F10: variants seen among roughly 807,000 people sequenced by gnomAD.
F10 encodes Stuart-Prower factor.
F10 carries 29 observed loss-of-function variants against 37.1 expected under a neutral mutation model. That is an observed-to-expected ratio of 0.78 (90% CI 0.58 to 1.07). F10 has a LOEUF of 1.07. Among genes scored for constraint, F10 ranks in the 50% least tolerant of loss-of-function variants. F10 has a pLI of 0.00. For missense variants in F10, 539 were observed against 667.9 expected (o/e 0.81, Z 2.13); for synonymous variants, 262 against 268.6 (o/e 0.98, Z 0.24).
chr13:113,135,235 C>G (rs550261104), intron 2 of F10, among the ~76,000 whole-genome samples: 1 of 150,326 alleles, frequency 6.7e-6, no homozygotes, highest in African/African-American at 2.5e-5. Flanking sequence ...AAGAGCGAAA[C>G]TCTGTCTCCA....
At position 113,143,850 on chromosome 13, in the gene F10, G is replaced by T; in HGVS notation, c.503-1G>T. ...GGCCCCGGCCGTCCTCTTTCTTTCA[G>T]GGCCCTACCCCTGTGGGAAACAGAC... On this transcript the variant is annotated splice_acceptor_variant, in intron 5 of 7. Coordinates refer to ENST00000375559, the MANE Select transcript of F10 (RefSeq NM_000504.4). LOFTEE classifies it high-confidence loss of function. This position sits in a 1 kb window ranked among gnomAD's most constrained non-coding sequence, Gnocchi z 6.8. 1 of 1,612,154 alleles carries T rather than the reference G, an allele frequency of 6.2e-7. No individual in the cohort carries two copies.
intron 7 of F10, among the ~76,000 whole-genome samples, chr13:113,148,345 A>AAAATATAT (rs1300922846): frequency 1.0e-5 from 1 of 95,434 alleles, no homozygotes; most frequent in African/African-American, 4.0e-5. Context: ...AAAAAAAAAA[A>AAAATATAT]ATATATATAT....
intron 4 of F10, chr13:113,140,658 G>C: frequency 1.5e-6 from 1 of 664,654 alleles, no homozygotes; most frequent in Non-Finnish European, 2.8e-6. Flanking sequence ...CTGGGGCAGG[G>C]GGTACCGGCC....
chr13:113,141,059 C>A lies in F10; in HGVS notation c.502+9C>A. The A allele has an allele frequency of 6.2e-7, 1 of 1,613,032 alleles. No homozygotes were observed. Among genetic ancestry groups the A allele is most frequent in the Non-Finnish European group, 8.5e-7 (1 of 1,179,926 alleles). On this transcript the variant is annotated intron_variant, in intron 5 of 7. Transcript: ENST00000375559. This position sits in a 1 kb window ranked among gnomAD's most constrained non-coding sequence, Gnocchi z 5.4. ...GGCCTGCATTCCCACAGGTAGGAGG[C>A]ACGTTGGGCCACAGCCACCCGCTGC...
Position 113,122,835 on chromosome 13 carries a change from G to A in F10, c.-21G>A, listed in dbSNP as rs778053228. 3 of 1,608,598 alleles carry A rather than the reference G, an allele frequency of 1.9e-6. No homozygotes were observed. The South Asian group carries it at 3.3e-5, about 18-fold the overall frequency. Reference sequence around the variant, plus strand: ...AGCAGCCTGTCCCAGTGAGGACAGGGACACAGTACTCGGCCACACCATGGG... The same window carrying A: ...AGCAGCCTGTCCCAGTGAGGACAGGAACACAGTACTCGGCCACACCATGGG... On this transcript the variant is annotated 5_prime_UTR_variant, in exon 1 of 8. Transcript: ENST00000375559.
chr13:113,149,097 CG>C lies in F10; in HGVS notation c.1048del (p.Glu350SerfsTer4). The stretch of plus-strand genomic sequence containing the variant: ...CCTGCCTCCCCGAGCGTGACTGGGC[CG>C]AGTCCACGCTGATGACGCAGAAGAC... ...PACLPERDWA[E>X]STLMTQKTGI... On this transcript the variant is annotated frameshift_variant, in exon 8 of 8. Coordinates refer to ENST00000375559, the MANE Select transcript of F10 (RefSeq NM_000504.4). LOFTEE classifies it low-confidence loss of function (END_TRUNC). The surrounding 1 kb of genome is among the most constrained non-coding windows in gnomAD (Gnocchi z 7.5). 2 of 1,613,154 alleles carry C rather than the reference CG, an allele frequency of 1.2e-6. No homozygotes were observed. Among genetic ancestry groups the C allele is most frequent in the Non-Finnish European group, 1.7e-6 (2 of 1,179,992 alleles).
At chr13:113,142,800 C>T (rs549624732) in intron 5 of F10, among the ~76,000 whole-genome samples, 36 of 149,554 alleles carry the variant, frequency 2.4e-4, no homozygotes, top group African/African-American at 5.9e-4. Context: ...GGCGTGGTGG[C>T]GCACGCCTGT....
In F10 at chr13:113,143,701, G is replaced by C; in HGVS notation, c.503-150G>C. 6.0e-6 allele frequency: 7 copies of C among 1,157,456 alleles called. No individual in the cohort carries two copies. The highest frequency in any genetic ancestry group is 8.3e-6 in the Non-Finnish European group (7 of 840,932). The allele number at this position is 1,157,456 out of a possible 1,614,324, so 71.7% of individuals were successfully genotyped here. On this transcript the variant is annotated intron_variant, in intron 5 of 7. Transcript: ENST00000375559. This position sits in a 1 kb window ranked among gnomAD's most constrained non-coding sequence, Gnocchi z 6.8. ...TGCAGATCCGACCCCTGCCGACGACGTGGGGCCTCGCCCTGCAAGCCCGCT... is the reference window on the plus strand; with the variant it reads ...TGCAGATCCGACCCCTGCCGACGACCTGGGGCCTCGCCCTGCAAGCCCGCT...
In F10 at chr13:113,149,113, A is replaced by G. The variant is rs779407646; in HGVS notation, c.1063A>G (p.Thr355Ala). The G allele has an allele frequency of 6.2e-7, 1 of 1,613,020 alleles. No homozygotes were observed. The highest frequency in any genetic ancestry group is 8.5e-7 in the Non-Finnish European group (1 of 1,179,956). The change falls in exon 8 of 8, where the codon ACG becomes GCG. Residue 355 changes from threonine to alanine, a missense_variant. Around this residue, in one of 2 missense-constraint regions of F10, gnomAD observed 409 missense variants for 547.9 expected, o/e 0.75. Transcript: ENST00000375559. This position sits in a 1 kb window ranked among gnomAD's most constrained non-coding sequence, Gnocchi z 7.5. ...TGACTGGGCCGAGTCCACGCTGATG[A>G]CGCAGAAGACGGGGATTGTGAGCGG... is the stretch of plus-strand genomic sequence containing the variant. ...ERDWAESTLMTQKTGIVSGFG... is the reference protein window; with the variant it reads ...ERDWAESTLMAQKTGIVSGFG...
Position 113,139,293 on chromosome 13 carries a change from A to G in F10, c.257-64A>G, listed in dbSNP as rs545145114. 24 of 1,410,588 alleles carry G rather than the reference A, an allele frequency of 1.7e-5. 1 individual carries two copies. The Admixed American group carries it at 3.8e-4, about 22-fold the overall frequency. 87.4% of individuals were successfully genotyped at this position (1,410,588 alleles called of 1,614,324 possible). A position where few individuals can be genotyped will look rare whatever the true frequency, so the allele number is the denominator to read the frequency against. On this transcript the variant is annotated intron_variant, in intron 3 of 7. Coordinates refer to ENST00000375559, the MANE Select transcript of F10 (RefSeq NM_000504.4). This position sits in a 1 kb window ranked among gnomAD's most constrained non-coding sequence, Gnocchi z 5.2. Reference sequence around the variant, plus strand: ...ACGGCAGGGCCAAGGTTAGCACAGCAAAACTGTTTCCATGATGCCGGAAAC... The same window carrying G: ...ACGGCAGGGCCAAGGTTAGCACAGCGAAACTGTTTCCATGATGCCGGAAAC...
intron 2 of F10, among the ~76,000 whole-genome samples, chr13:113,135,216 C>A (rs2036467538): frequency 6.6e-6 from 1 of 150,952 alleles, no homozygotes; most frequent in Admixed American, 6.6e-5. Context: ...GCACTCCAGC[C>A]TGGGCAACAA....
intron 1 of F10, chr13:113,128,206 C>T (rs983500730): frequency 1.3e-5 from 2 of 152,232 alleles, no homozygotes; most frequent in African/African-American, 4.8e-5. Context: ...ACCCATGACA[C>T]AGCCTTGGAA....
intron 1 of F10, among the ~76,000 whole-genome samples, chr13:113,127,831 G>C (rs2036384905): frequency 6.6e-6 from 1 of 152,168 alleles, no homozygotes; most frequent in African/African-American, 2.4e-5. Flanking sequence ...AAAGAGCAGA[G>C]ACCTTAAAGA....
rs1208633082 is a variant in F10 at position 113,149,467 on chromosome 13, A to G, written c.1417A>G (p.Lys473Glu). Reference sequence around the variant, plus strand: ...GTCCATGAAAACCAGGGGCTTGCCCAAGGCCAAGAGCCATGCCCCGGAGGT... The same window carrying G: ...GTCCATGAAAACCAGGGGCTTGCCCGAGGCCAAGAGCCATGCCCCGGAGGT... ...DRSMKTRGLPKAKSHAPEVIT... is the reference protein window; with the variant it reads ...DRSMKTRGLPEAKSHAPEVIT... Residue 473 changes from lysine (K) to glutamate (E), a missense_variant, in exon 8 of 8, where the codon AAG (lysine) becomes GAG (glutamate). Lys to Glu is a moderately conservative substitution (Grantham distance 56). Transcript: ENST00000375559. This position sits in a 1 kb window ranked among gnomAD's most constrained non-coding sequence, Gnocchi z 7.5. 1 of 1,613,232 alleles carries G rather than the reference A, an allele frequency of 6.2e-7. No homozygotes were observed. The highest frequency in any genetic ancestry group is 1.3e-5 in the African/African-American group (1 of 74,948).
rs112819181 is a variant in F10 at position 113,123,408 on chromosome 13, C to G, written c.70+483C>G. ...CAGTGCCACCACTCTCGGACTGGCTCCGTCGGGGAAGGAGCTGCCTAATGC... is the reference window on the plus strand; with the variant it reads ...CAGTGCCACCACTCTCGGACTGGCTGCGTCGGGGAAGGAGCTGCCTAATGC... On this transcript the variant is annotated intron_variant, in intron 1 of 7. Transcript: ENST00000375559. Among the ~76,000 whole-genome samples, 762 of 152,284 alleles carry G rather than the reference C, an allele frequency of 5.0e-3. 6 individuals carry two copies. The highest frequency in any genetic ancestry group is 0.018 in the African/African-American group (729 of 41,552).
chr13:113,135,749 T>TA (rs1195207454), intron 2 of F10, among the ~76,000 whole-genome samples: 5 of 152,118 alleles, frequency 3.3e-5, no homozygotes, highest in Non-Finnish European at 4.4e-5. Context: ...ATTAACACAA[T>TA]ATAGATAATA....
chr13:113,129,602 G>A lies in F10; in HGVS notation c.221G>A (p.Ser74Asn), dbSNP rs751623132. Residue 74 changes from serine to asparagine, a missense_variant, in exon 2 of 8, where the codon AGC becomes AAC. Transcript: ENST00000375559. ...YEEAREVFED[S>N]DKTNEFWNKY... Reference sequence around the variant, plus strand: ...GAGGCCCGCGAGGTCTTTGAGGACAGCGACAAGACGGTAAGGGCTGGGGAT... The same window carrying A: ...GAGGCCCGCGAGGTCTTTGAGGACAACGACAAGACGGTAAGGGCTGGGGAT... The A allele has an allele frequency of 6.2e-7, 1 of 1,614,210 alleles. No homozygotes were observed. Among genetic ancestry groups the A allele is most frequent in the Non-Finnish European group, 8.5e-7 (1 of 1,180,028 alleles).
At chr13:113,123,385 G>A (rs959955193) in intron 1 of F10, among the ~76,000 whole-genome samples, 1 of 152,216 alleles carries the variant, frequency 6.6e-6, no homozygotes, top group African/African-American at 2.4e-5. Flanking sequence ...AGCCGAGCCA[G>A]TGCCACCACT....
chr13:113,137,575 A>G (rs138400848), intron 2 of F10, among the ~76,000 whole-genome samples: 180 of 152,342 alleles, frequency 1.2e-3, no homozygotes, highest in Non-Finnish European at 2.3e-3. Flanking sequence ...GCCTTAAAAT[A>G]ACAGGGATTT....
Sources: gnomAD v4.1 joint callset for allele counts (sites outside exome capture counted in the v4.1 genomes callset) on GRCh38, gnomAD v4.1.1 for gene constraint, gnomAD v4.1.1 regional missense constraint, Gnocchi (gnomAD v3.1) non-coding constraint, MANE v1.5 for transcripts, NCBI Gene and HGNC (gene_info 2026-07-23, HGNC 2026-07-21) for gene names.